RBPMS: variants seen among roughly 807,000 people sequenced by gnomAD.
RBPMS encodes the protein RNA-binding protein with multiple splicing.
A neutral mutation model predicts 26.8 loss-of-function variants in RBPMS; 7 were observed. That is an observed-to-expected ratio of 0.26 (90% CI 0.15 to 0.49). RBPMS has a LOEUF of 0.49. Among genes scored for constraint, RBPMS ranks in the 20% least tolerant of loss-of-function variants. The probability of loss-of-function intolerance (pLI) is 0.98; values close to 1 mark genes in which losing one functional copy is unlikely to be tolerated. For synonymous variants in RBPMS, 96 were observed against 93.3 expected (o/e 1.03, Z -0.17); for missense variants, 186 against 250.0 (o/e 0.74, Z 1.73).
intron 6 of RBPMS, among the ~76,000 whole-genome samples, chr8:30,557,482 C>T (rs1827042427): frequency 6.6e-6 from 1 of 152,194 alleles, no homozygotes; most frequent in South Asian, 2.1e-4. Flanking sequence ...CAGCTGGTGC[C>T]CACACCTGTA....
At chr8:30,547,425 T>C in intron 6 of RBPMS, 3 of 1,589,762 alleles carry the variant, frequency 1.9e-6, no homozygotes, top group Non-Finnish European at 2.6e-6. Flanking sequence ...CCATGTTGAA[T>C]TTGTTTGTTA....
intron 6 of RBPMS, among the ~76,000 whole-genome samples, chr8:30,550,193 A>G (rs1826243496): frequency 6.6e-6 from 1 of 152,164 alleles, no homozygotes; most frequent in Non-Finnish European, 1.5e-5. Flanking sequence ...TGCGCCTTTC[A>G]GGAGAGCTCT....
At chr8:30,389,266 TTTGAG>T (rs1249900819) in intron 1 of RBPMS, among the ~76,000 whole-genome samples, 1 of 152,218 alleles carries the variant, frequency 6.6e-6, no homozygotes, top group African/African-American at 2.4e-5. Context: ...GGCATGCACT[TTTGAG>T]TTATTTTTCC....
At chr8:30,471,839 G>A (rs1203519823) in intron 1 of RBPMS, among the ~76,000 whole-genome samples, 1 of 152,166 alleles carries the variant, frequency 6.6e-6, no homozygotes, top group Non-Finnish European at 1.5e-5. Flanking sequence ...TGGTGGCAAA[G>A]TTGGGGGTAG....
chr8:30,553,293 C>T (rs1003586385), intron 6 of RBPMS: 1 of 152,164 alleles, frequency 6.6e-6, no homozygotes, highest in African/African-American at 2.4e-5. Context: ...AGTGTTCTTC[C>T]AGTTTTGGTG....
At chr8:30,479,812 TA>T (rs5890523) in intron 4 of RBPMS, among the ~76,000 whole-genome samples, 114,966 of 148,728 alleles carry the variant, frequency 0.77, 44,291 homozygotes, top group East Asian at 0.83. Flanking sequence ...TATGCAGCAT[TA>T]AAAAAAAAAA....
chr8:30,512,751 A>G (rs1438890303), intron 5 of RBPMS, among the ~76,000 whole-genome samples: 2 of 152,142 alleles, frequency 1.3e-5, no homozygotes, highest in Non-Finnish European at 2.9e-5. Context: ...TGACCATACT[A>G]TACTTAAACA....
intron 6 of RBPMS, among the ~76,000 whole-genome samples, chr8:30,554,888 A>G (rs993356529): frequency 2.4e-4 from 36 of 152,170 alleles, no homozygotes; most frequent in Non-Finnish European, 2.8e-4. Context: ...CAGCCCCTAG[A>G]AAGGGGATAG....
intron 5 of RBPMS, among the ~76,000 whole-genome samples, chr8:30,537,360 T>A (rs888852107): frequency 1.3e-5 from 2 of 152,212 alleles, no homozygotes; most frequent in Non-Finnish European, 2.9e-5. Context: ...AGCTTGCTTT[T>A]GGAATTTCCT....
chr8:30,481,918 T>G (rs1443493504), intron 4 of RBPMS, among the ~76,000 whole-genome samples: 1 of 152,216 alleles, frequency 6.6e-6, no homozygotes, highest in African/African-American at 2.4e-5. Context: ...AGTTTAGAGC[T>G]CCAACTAGGA....
intron 6 of RBPMS, among the ~76,000 whole-genome samples, chr8:30,549,059 T>C (rs1463371156): frequency 6.6e-6 from 1 of 152,132 alleles, no homozygotes; most frequent in East Asian, 1.9e-4. Context: ...CATGGGAGGC[T>C]CACAAGGCAA....
chr8:30,458,963 C>A (rs1163793680), intron 1 of RBPMS, among the ~76,000 whole-genome samples: 1 of 134,086 alleles, frequency 7.5e-6, no homozygotes, highest in Non-Finnish European at 1.6e-5. Context: ...AGCATGTTGG[C>A]TTTTTTTTTT....
intron 6 of RBPMS, among the ~76,000 whole-genome samples, chr8:30,554,231 G>A (rs114940592): frequency 0.011 from 1,732 of 152,292 alleles, 39 homozygotes; most frequent in African/African-American, 0.038. Context: ...AGCACTAGCC[G>A]GTTTGGTGGT....
intron 1 of RBPMS, among the ~76,000 whole-genome samples, chr8:30,409,902 A>G (rs1259387382): frequency 6.6e-6 from 1 of 152,126 alleles, no homozygotes; most frequent in Non-Finnish European, 1.5e-5. Flanking sequence ...AAGTGCTGGG[A>G]TTATAGGCGT....
intron 1 of RBPMS, among the ~76,000 whole-genome samples, chr8:30,440,227 C>T (rs1812920414): frequency 1.3e-5 from 2 of 152,124 alleles, no homozygotes; most frequent in Admixed American, 1.3e-4. Flanking sequence ...CTGTGCTGAG[C>T]CCTAGCCTTT....
At chr8:30,455,985 G>A (rs1815162501) in intron 1 of RBPMS, among the ~76,000 whole-genome samples, 1 of 152,202 alleles carries the variant, frequency 6.6e-6, no homozygotes, top group Non-Finnish European at 1.5e-5. Context: ...ACCCAGGGAG[G>A]TAATGAATGG....
chr8:30,475,529 A>C (rs1817592611), intron 2 of RBPMS, among the ~76,000 whole-genome samples: 1 of 152,144 alleles, frequency 6.6e-6, no homozygotes, highest in Non-Finnish European at 1.5e-5. Flanking sequence ...AGGAAGTCTT[A>C]AGTTGGTCAG....
At chr8:30,450,623 G>T (rs962526227) in intron 1 of RBPMS, among the ~76,000 whole-genome samples, 1 of 152,010 alleles carries the variant, frequency 6.6e-6, no homozygotes, top group African/African-American at 2.4e-5. Flanking sequence ...CATGACACTT[G>T]AAAGAGAAGA....
intron 1 of RBPMS, among the ~76,000 whole-genome samples, chr8:30,420,606 G>T (rs746112936): frequency 6.6e-6 from 1 of 152,220 alleles, no homozygotes; most frequent in Non-Finnish European, 1.5e-5. Flanking sequence ...TTTCTCAGTG[G>T]CTGGACTGAT....
Sources: gnomAD v4.1 joint callset for allele counts (sites outside exome capture counted in the v4.1 genomes callset) on GRCh38, gnomAD v4.1.1 for gene constraint, MANE v1.5 for transcripts, NCBI Gene and HGNC (gene_info 2026-07-23, HGNC 2026-07-21) for gene names.